SEZ6L2: variants seen among roughly 807,000 people sequenced by gnomAD.
The protein encoded by SEZ6L2 is seizure 6-like protein 2.
Under a neutral mutation model 97.0 loss-of-function variants are expected in SEZ6L2, and 44 were observed. The observed-to-expected ratio is 0.45, with a 90% CI of 0.36 to 0.58. The LOEUF (loss-of-function observed/expected upper bound fraction) is 0.58. Among genes scored for constraint, SEZ6L2 ranks in the 20% least tolerant of loss-of-function variants. The pLI, the probability that SEZ6L2 is intolerant of heterozygous loss-of-function variation, is 0.00. For synonymous variants in SEZ6L2, 543 were observed against 546.1 expected, an observed-to-expected ratio of 0.99 and a Z score of 0.08; for missense variants, 1,086 against 1,233.3, an observed-to-expected ratio of 0.88 and a Z score of 1.79.
intron 15 of SEZ6L2, 47 bp from the exon 16 acceptor site, chr16:29,872,573 G>C: frequency 6.2e-7 from 1 of 1,605,352 alleles, no homozygotes; most frequent in Non-Finnish European, 8.5e-7. Flanking sequence ...GCCCGGTCCT[G>C]GGCTCTCCCA....
intron 8 of SEZ6L2, among the ~76,000 whole-genome samples, chr16:29,880,367 C>T (rs1020940122): frequency 8.6e-5 from 13 of 151,860 alleles, no homozygotes; most frequent in Non-Finnish European, 1.6e-4. Flanking sequence ...CACTTGTTGC[C>T]CAGGCTGGAG....
At chr16:29,896,674 T>C (rs988859684) in intron 3 of SEZ6L2, 148 bp downstream of exon 3, 4 of 678,240 alleles carry the variant, frequency 5.9e-6, no homozygotes, top group Non-Finnish European at 1.0e-5. Flanking sequence ...TGGTACATAG[T>C]AAGGGTACAG....
chr16:29,879,749 G>GC (rs1395892785), intron 9 of SEZ6L2, 115 bp downstream of exon 9: 2 of 927,946 alleles, frequency 2.2e-6, no homozygotes, highest in African/African-American at 3.3e-5. Flanking sequence ...TTTACCCAAG[G>GC]CTTGGGTGGA....
Position 29,878,431 on chromosome 16 carries a change from G to C in SEZ6L2, c.1574-6C>G. On this transcript the variant is annotated splice_region_variant and splice_polypyrimidine_tract_variant and intron_variant, in intron 9 of 17. Coordinates refer to ENST00000617533, the MANE Select transcript of SEZ6L2 (RefSeq NM_001243332.2). ...CAGCTCCCCTCCACACATGGCTAGGGAAAAAGGGGTGTCAGGTTCAGGACC... is the reference window on the plus strand; with the variant it reads ...CAGCTCCCCTCCACACATGGCTAGGCAAAAAGGGGTGTCAGGTTCAGGACC... The C allele has an allele frequency of 3.2e-6, 5 of 1,586,454 alleles. No individual in the cohort carries two copies. Among genetic ancestry groups the C allele is most frequent in the Non-Finnish European group, 3.4e-6 (4 of 1,164,268 alleles).
intron 8 of SEZ6L2, among the ~76,000 whole-genome samples, chr16:29,883,618 C>T (rs982793614): frequency 3.9e-5 from 6 of 152,136 alleles, no homozygotes; most frequent in African/African-American, 1.4e-4. Flanking sequence ...CACAACTGGC[C>T]TCAATCTTCC....
At chr16:29,885,064 C>A in intron 8 of SEZ6L2, among the ~76,000 whole-genome samples, 1 of 148,062 alleles carries the variant, frequency 6.8e-6, no homozygotes, top group Non-Finnish European at 1.5e-5. Context: ...AAAAATTAGT[C>A]GGGCGCGGTG....
Position 29,897,998 on chromosome 16 carries a change from TTG to T in SEZ6L2, c.80-16_80-15del. 6.2e-7 allele frequency: 1 copy of T among 1,612,360 alleles called. No homozygotes were observed. The highest frequency in any genetic ancestry group is 8.5e-7 in the Non-Finnish European group (1 of 1,179,196). The stretch of plus-strand genomic sequence containing the variant: ...TCAGGGGCAGACCTAGGAGGTGAAG[TTG>T]TGTGAGCTTCTCCACTTCCCCACAC... On this transcript the variant is annotated splice_polypyrimidine_tract_variant and intron_variant, in intron 1 of 17. Coordinates refer to ENST00000617533, the MANE Select transcript of SEZ6L2 (RefSeq NM_001243332.2).
chr16:29,872,483 G>A lies in SEZ6L2; in HGVS notation c.2571C>T (p.Asn857=), dbSNP rs1354568935. ...TDPSRQLEGG[N]LALAILLPLG... ...GAGGCAGCAGGATGGCCAGGGCCAG[G>A]TTCCCCCCTTCCAGCTGCCGTGATG... The change falls in exon 16 of 18, where the codon AAC becomes AAT. Residue 857 remains asparagine (N), a synonymous_variant. Transcript: ENST00000617533. The A allele has an allele frequency of 1.9e-6, 3 of 1,614,222 alleles. No homozygotes were observed. The highest frequency in any genetic ancestry group is 3.3e-5 in the Admixed American group (2 of 60,020).
At position 29,876,975 on chromosome 16, in the gene SEZ6L2, G is replaced by T; in HGVS notation, c.1910-25C>A. ...TCTGCAGGGGAGGGAAGGCGAGTTT[G>T]GAGGCTGCGTTTTAACTGCGGGCTC... On this transcript the variant is annotated intron_variant, in intron 11 of 17. Transcript: ENST00000617533. The surrounding 1 kb of genome is among the most constrained non-coding windows in gnomAD (Gnocchi z 6.5). The T allele has an allele frequency of 6.3e-7, 1 of 1,579,840 alleles. No homozygotes were observed. Among genetic ancestry groups the T allele is most frequent in the Non-Finnish European group, 8.6e-7 (1 of 1,158,250 alleles).
chr16:29,896,913 T>C lies in SEZ6L2; in HGVS notation c.420A>G (p.Pro140=), dbSNP rs1249482436. Residue 140 remains proline (P), a synonymous_variant, in exon 3 of 18, where the codon CCA becomes CCG. Coordinates refer to ENST00000617533, the MANE Select transcript of SEZ6L2 (RefSeq NM_001243332.2). ...CTCCCTCAGGCCCAAGGGGAGGCCCTGGGGAGGCAGGGCTGGGTGGGGGTG... is the reference window on the plus strand; with the variant it reads ...CTCCCTCAGGCCCAAGGGGAGGCCCCGGGGAGGCAGGGCTGGGTGGGGGTG... ...TAPPPPSPAS[P]GPPLGPEGGE... 6.5e-7 allele frequency: 1 copy of C among 1,544,604 alleles called. No individual in the cohort carries two copies. Among genetic ancestry groups the C allele is most frequent in the South Asian group, 1.1e-5 (1 of 89,586 alleles).
intron 6 of SEZ6L2, 125 bp from the exon 7 acceptor site, chr16:29,887,942 C>T: frequency 1.9e-6 from 2 of 1,061,632 alleles, no homozygotes; most frequent in Non-Finnish European, 2.7e-6. Flanking sequence ...CAGGGCTGGC[C>T]TCTGTCCCAT....
rs2067819473 is a variant in SEZ6L2, at chr16:29,873,041, T to C, written c.2488+199A>G. Among the ~76,000 whole-genome samples the C allele has an allele frequency of 6.6e-6, 1 of 152,124 alleles. No homozygotes were observed. The highest frequency in any genetic ancestry group is 1.5e-5 in the Non-Finnish European group (1 of 68,006). On this transcript the variant is annotated intron_variant, in intron 14 of 17. Transcript: ENST00000617533. This position sits in a 1 kb window ranked among gnomAD's most constrained non-coding sequence, Gnocchi z 4.3. ...AAGGGACTTCCAAGCCAAGGCCCCC[T>C]CTACTACACCCCTGAGCCAATCCCA...
chr16:29,887,467 ATTTTTT>A (rs397855963), intron 7 of SEZ6L2, among the ~76,000 whole-genome samples, 176 bp downstream of exon 7: 2 of 130,490 alleles, frequency 1.5e-5, no homozygotes, highest in Non-Finnish European at 3.3e-5. Flanking sequence ...TGCCCGGCTA[ATTTTTT>A]TTTTTTTTTT....
intron 1 of SEZ6L2, among the ~76,000 whole-genome samples, chr16:29,898,447 C>CT (rs34019898): frequency 6.0e-5 from 9 of 149,656 alleles, no homozygotes; most frequent in South Asian, 2.1e-4. Context: ...CTCTCTCTCT[C>CT]CCCCCCACCC....
At position 29,877,449 on chromosome 16, in the gene SEZ6L2, C is replaced by T; in HGVS notation, c.1731G>A (p.Gly577=). The change falls in exon 11 of 18, where the codon GGG becomes GGA. Residue 577 remains glycine, a synonymous_variant. Transcript: ENST00000617533. ...LQVEILNVRE[G]DMLTLFDGDG... ...CCCCGTCGAACAGCGTCAGCATGTC[C>T]CCTTCCCGCACATTCAATCTGCAGG... The T allele has an allele frequency of 1.3e-6, 2 of 1,599,982 alleles. No homozygotes were observed. The highest frequency in any genetic ancestry group is 1.7e-6 in the Non-Finnish European group (2 of 1,172,914).
chr16:29,880,123 T>G, intron 8 of SEZ6L2, 59 bp from the exon 9 acceptor site: 1 of 1,539,922 alleles, frequency 6.5e-7, no homozygotes, highest in Non-Finnish European at 8.9e-7. Flanking sequence ...GGATCTTAAA[T>G]TGGGGATGTG....
Position 29,888,668 on chromosome 16 carries a change from G to T in SEZ6L2, c.911C>A (p.Thr304Lys). The T allele has an allele frequency of 6.2e-7, 1 of 1,613,912 alleles. No individual in the cohort carries two copies. Among genetic ancestry groups the T allele is most frequent in the Non-Finnish European group, 8.5e-7 (1 of 1,179,916 alleles). Residue 304 changes from threonine to lysine, a missense_variant, in exon 6 of 18, where the codon ACG (threonine) becomes AAG (lysine). Thr to Lys is a moderately conservative substitution (Grantham distance 78). Transcript: ENST00000617533. ...PRPAHGDVSV[T>K]DLHPGGTATF... ...GGCAGTGCCCCCAGGGTGCAGGTCCGTCACACTCACGTCCCCATGGGCCGG... is the reference window on the plus strand; with the variant it reads ...GGCAGTGCCCCCAGGGTGCAGGTCCTTCACACTCACGTCCCCATGGGCCGG...
rs936541579 is a variant in SEZ6L2 at position 29,876,285 on chromosome 16, T to C, written c.2104+471A>G. On this transcript the variant is annotated intron_variant, in intron 12 of 17. Coordinates refer to ENST00000617533, the MANE Select transcript of SEZ6L2 (RefSeq NM_001243332.2). The surrounding 1 kb of genome is among the most constrained non-coding windows in gnomAD (Gnocchi z 6.5). ...TGGCATTCAAATAAACCAAGTGCTC[T>C]GACAAGCCTTGGTCCTAGCAAAGTG... Among the ~76,000 whole-genome samples the C allele has an allele frequency of 6.6e-6, 1 of 152,154 alleles. No individual in the cohort carries two copies. The highest frequency in any genetic ancestry group is 2.4e-5 in the African/African-American group (1 of 41,454).
At chr16:29,874,550 GTTT>G (rs541095994) in intron 12 of SEZ6L2, among the ~76,000 whole-genome samples, 5 of 32,526 alleles carry the variant, frequency 1.5e-4, no homozygotes, top group African/African-American at 4.1e-4. Context: ...GTGTGTGCTT[GTTT>G]TTTTTTTTTT....
Sources: allele counts gnomAD v4.1 joint callset (sites outside exome capture counted in the v4.1 genomes callset), GRCh38; gene constraint gnomAD v4.1.1; non-coding constraint Gnocchi (gnomAD v3.1); transcripts MANE v1.5; gene names NCBI Gene and HGNC (gene_info 2026-07-23, HGNC 2026-07-21).